Variants in RNF114 observed in about 807,000 individuals in gnomAD.
RNF114 encodes the protein E3 ubiquitin-protein ligase RNF114.
In RNF114, 6 loss-of-function variants were observed where a neutral mutation model predicts 28.4. That is an observed-to-expected ratio of 0.21 (90% CI 0.12 to 0.42). The LOEUF is 0.42. Ranked by LOEUF, RNF114 falls within the 10% of genes least tolerant of loss-of-function variation. The pLI, the probability that RNF114 is intolerant of heterozygous loss-of-function variation, is 1.00. For synonymous variants in RNF114, 115 were observed against 116.7 expected, an observed-to-expected ratio of 0.99 and a Z score of 0.09; for missense variants, 249 against 311.7, an observed-to-expected ratio of 0.80 and a Z score of 1.51.
rs535114013 is a variant in RNF114 at position 49,945,441 on chromosome 20, C to A, written c.351C>A (p.Ile117=). 5 of 1,613,466 alleles carry A rather than the reference C, an allele frequency of 3.1e-6. No homozygotes were observed. The highest frequency in any genetic ancestry group is 3.3e-4 in the Middle Eastern group (2 of 6,058). Residue 117 remains isoleucine, a synonymous_variant, in exon 3 of 6, where the codon ATC becomes ATA. Transcript: ENST00000244061. The part of the protein sequence containing the change: ...VATCSKYQNY[I]MEGVKATIKD... ...CTTGTTCCAAATACCAGAATTACAT[C>A]ATGGAAGGTGTGAAGGCCACCATTA...
chr20:49,940,170 G>A (rs1042558548), intron 1 of RNF114, among the ~76,000 whole-genome samples: 1 of 151,682 alleles, frequency 6.6e-6, no homozygotes, highest in Admixed American at 6.6e-5. Context: ...TAAACTCCTG[G>A]CTCCCTACTG....
intron 2 of RNF114, chr20:49,943,874 A>ATG (rs2090318281): frequency 9.9e-5 from 1 of 10,070 alleles, no homozygotes; most frequent in South Asian, 5.3e-3. Flanking sequence ...ACACACAGAG[A>ATG]TATATATATA....
chr20:49,939,032 C>G (rs574837991), intron 1 of RNF114, among the ~76,000 whole-genome samples: 1 of 152,308 alleles, frequency 6.6e-6, no homozygotes, highest in East Asian at 1.9e-4. Flanking sequence ...CCTTCCTTTC[C>G]AGTCCTCATT....
At chr20:49,943,754 G>A (rs968446942) in intron 2 of RNF114, among the ~76,000 whole-genome samples, 1 of 142,504 alleles carries the variant, frequency 7.0e-6, no homozygotes, top group Non-Finnish European at 1.5e-5. Context: ...CGCCTGTTGG[G>A]TTCACGCCAT....
chr20:49,945,546 G>GACACC, intron 3 of RNF114, 58 bp downstream of exon 3: 29 of 1,001,194 alleles, frequency 2.9e-5, no homozygotes, highest in Non-Finnish European at 4.3e-5. Flanking sequence ...ATACAAAGAG[G>GACACC]TTGCATGCCC....
At chr20:49,943,691 C>T (rs2090316570) in intron 2 of RNF114, among the ~76,000 whole-genome samples, 2 of 114,964 alleles carry the variant, frequency 1.7e-5, no homozygotes, top group African/African-American at 6.6e-5. Context: ...CGGAGTCTCA[C>T]TCTGTTGCCC....
chr20:49,944,946 A>G (rs1238038631), intron 2 of RNF114: 1 of 152,758 alleles, frequency 6.5e-6, no homozygotes, highest in Non-Finnish European at 1.5e-5. Context: ...GGTGATAGAT[A>G]CTTTAACCAG....
chr20:49,945,784 A>C (rs984473976), intron 3 of RNF114, among the ~76,000 whole-genome samples: 3 of 150,720 alleles, frequency 2.0e-5, no homozygotes, highest in Admixed American at 6.6e-5. Flanking sequence ...TCCTGCCTCA[A>C]CCTCCCAAGT....
intron 2 of RNF114, 65 bp from the exon 3 acceptor site, chr20:49,945,317 G>T: frequency 1.1e-6 from 1 of 949,398 alleles, no homozygotes; most frequent in Non-Finnish European, 1.7e-6. Context: ...GCCCTTGTTT[G>T]GGACTATATT....
At chr20:49,945,593 G>A (rs1463893264) in intron 3 of RNF114, 105 bp downstream of exon 3, 1 of 670,050 alleles carries the variant, frequency 1.5e-6, no homozygotes, top group African/African-American at 1.8e-5. Flanking sequence ...GCTGGCTAAA[G>A]CTGATACAAG....
intron 5 of RNF114, among the ~76,000 whole-genome samples, chr20:49,950,919 G>T (rs1033596126): frequency 1.3e-5 from 2 of 152,074 alleles, no homozygotes; most frequent in African/African-American, 4.8e-5. Flanking sequence ...TTCACAGGAG[G>T]TTTCACAGGT....
At chr20:49,939,857 C>G (rs776420736) in intron 1 of RNF114, among the ~76,000 whole-genome samples, 1 of 151,780 alleles carries the variant, frequency 6.6e-6, no homozygotes, top group Non-Finnish European at 1.5e-5. Flanking sequence ...GAGTTCGAGA[C>G]CAGCCTGGCT....
chr20:49,941,570 T>C lies in RNF114; in HGVS notation c.150T>C (p.Ser50=). ...VQVPCGHVFC[S]ACLQECLKPK... The stretch of plus-strand genomic sequence containing the variant: ...GTATGTCTTGTTCTAGCTTTTGCTC[T>C]GCATGCCTGCAGGAATGTCTGAAGC... Residue 50 remains serine (S), a synonymous_variant, in exon 2 of 6, where the codon TCT becomes TCC. Coordinates refer to ENST00000244061, the MANE Select transcript of RNF114 (RefSeq NM_018683.4). 5 of 1,599,200 alleles carry C rather than the reference T, an allele frequency of 3.1e-6. No individual in the cohort carries two copies. The highest frequency in any genetic ancestry group is 4.3e-6 in the Non-Finnish European group (5 of 1,170,528).
In RNF114 at chr20:49,952,424, G is replaced by T; in HGVS notation, c.*283G>T. On this transcript the variant is annotated 3_prime_UTR_variant, in exon 6 of 6. Transcript: ENST00000244061. ...TCCTGGAGCTTCTGCCGCCTCCTGT[G>T]GAAGATAATCTAGCTTCTCCACCTC... is the stretch of plus-strand genomic sequence containing the variant. 1.9e-6 allele frequency: 1 copy of T among 523,482 alleles called. No individual in the cohort carries two copies. The highest frequency in any genetic ancestry group is 3.1e-5 in the South Asian group (1 of 32,206). 32.4% of individuals were successfully genotyped at this position (523,482 alleles called of 1,614,324 possible).
chr20:49,947,175 C>A (rs1303007558), intron 4 of RNF114, among the ~76,000 whole-genome samples: 4 of 140,042 alleles, frequency 2.9e-5, no homozygotes, highest in Admixed American at 1.5e-4. Flanking sequence ...AACTGAGATC[C>A]TGCCACTGCA....
intron 1 of RNF114, 28 bp downstream of exon 1, chr20:49,936,580 G>A: frequency 1.3e-6 from 2 of 1,575,114 alleles, no homozygotes; most frequent in Non-Finnish European, 1.7e-6. Context: ...GCCTGGTCGG[G>A]GGGCGCTTAA....
chr20:49,948,395 T>C (rs2090342954), intron 4 of RNF114, among the ~76,000 whole-genome samples: 1 of 152,042 alleles, frequency 6.6e-6, no homozygotes, highest in African/African-American at 2.4e-5. Flanking sequence ...CTTCTGGCCT[T>C]TTCTCCGTGC....
chr20:49,938,803 T>A (rs1453862059), intron 1 of RNF114, among the ~76,000 whole-genome samples: 1 of 152,252 alleles, frequency 6.6e-6, no homozygotes, highest in Non-Finnish European at 1.5e-5. Context: ...TGTACCTGTG[T>A]GTGTGCTTGA....
In RNF114 at chr20:49,936,411, A is replaced by G. The variant is rs751876966; in HGVS notation, c.-2A>G. ...CGTTGCGCGGCGCAGAGCGGCAGCA[A>G]GATGGCGGCGCAACAGCGGGACTGC... On this transcript the variant is annotated 5_prime_UTR_variant, in exon 1 of 6. Transcript: ENST00000244061. The G allele has an allele frequency of 2.0e-6, 3 of 1,505,574 alleles. No homozygotes were observed. The highest frequency in any genetic ancestry group is 2.7e-6 in the Non-Finnish European group (3 of 1,126,996). The allele number at this position is 1,505,574 out of a possible 1,614,324, so 93.3% of individuals were successfully genotyped here.
Sources: allele counts gnomAD v4.1 joint callset (sites outside exome capture counted in the v4.1 genomes callset), GRCh38; gene constraint gnomAD v4.1.1; transcripts MANE v1.5; gene names NCBI Gene and HGNC (gene_info 2026-07-23, HGNC 2026-07-21).